CDK15: variants seen among roughly 807,000 people sequenced by gnomAD.
CDK15 encodes cyclin-dependent kinase 15.
In CDK15, 62 loss-of-function variants were observed where a neutral mutation model predicts 60.3. The observed-to-expected ratio is 1.03, with a 90% CI of 0.84 to 1.27. The LOEUF is 1.27. Among genes scored for constraint, CDK15 ranks in the 50% most tolerant of loss-of-function variants. CDK15 has a pLI of 0.00. For synonymous variants in CDK15, 194 were observed against 195.7 expected (o/e 0.99, Z 0.07); for missense variants, 541 against 527.8 (o/e 1.03, Z -0.25).
chr2:201,827,749 G>A (rs1332041210), intron 6 of CDK15, among the ~76,000 whole-genome samples: 1 of 152,162 alleles, frequency 6.6e-6, no homozygotes, highest in Non-Finnish European at 1.5e-5. Flanking sequence ...TGGAATTACA[G>A]GTGTGAGCCA....
At chr2:201,847,072 T>G (rs1388144621) in intron 8 of CDK15, among the ~76,000 whole-genome samples, 1 of 152,150 alleles carries the variant, frequency 6.6e-6, no homozygotes, top group Non-Finnish European at 1.5e-5. Context: ...GGGGATGAAA[T>G]GAAATTTGGG....
intron 9 of CDK15, among the ~76,000 whole-genome samples, chr2:201,854,160 C>A (rs549255817): frequency 2.6e-5 from 4 of 151,542 alleles, no homozygotes; most frequent in Admixed American, 2.0e-4. Context: ...GGCGACAGAG[C>A]GAGACTCCGT....
intron 10 of CDK15, chr2:201,861,412 C>A: frequency 1.0e-6 from 1 of 985,476 alleles, no homozygotes; most frequent in East Asian, 1.1e-4. Flanking sequence ...GTTCTCCTTT[C>A]ATTAATCATG....
chr2:201,886,805 TA>T (rs924613552), intron 12 of CDK15, among the ~76,000 whole-genome samples: 9 of 152,208 alleles, frequency 5.9e-5, no homozygotes, highest in East Asian at 1.9e-4. Context: ...TACTAGGGAT[TA>T]AAAAAATACA....
At chr2:201,862,322 G>C (rs750514420) in intron 10 of CDK15, among the ~76,000 whole-genome samples, 1 of 152,162 alleles carries the variant, frequency 6.6e-6, no homozygotes, top group Admixed American at 6.5e-5. Context: ...TGGTATAGTG[G>C]AAAGAGTGCT....
chr2:201,854,736 T>G, intron 9 of CDK15, 138 bp from the exon 10 acceptor site: 1 of 678,848 alleles, frequency 1.5e-6, no homozygotes. Context: ...CTCGTATACA[T>G]CAGCTGGTGT....
chr2:201,860,888 T>C (rs1192614041), intron 10 of CDK15: 1 of 1,349,990 alleles, frequency 7.4e-7, no homozygotes, highest in African/African-American at 1.5e-5. Context: ...AGACAGAAGA[T>C]GATTAAAATG....
At chr2:201,812,200 CAAA>C in intron 3 of CDK15, among the ~76,000 whole-genome samples, 2 of 135,208 alleles carry the variant, frequency 1.5e-5, no homozygotes, top group Non-Finnish European at 3.2e-5. Context: ...AACAAAAAAA[CAAA>C]AAAACACTAC....
At chr2:201,857,917 G>C (rs1170931646) in intron 10 of CDK15, among the ~76,000 whole-genome samples, 2 of 152,148 alleles carry the variant, frequency 1.3e-5, no homozygotes, top group East Asian at 3.9e-4. Context: ...AAGACAAGCT[G>C]GGAGCCAGGA....
At position 201,882,216 on chromosome 2, in the gene CDK15, T is replaced by TGA. The variant is rs142542246; in HGVS notation, c.1198+2058_1198+2059dup. ...GTGTGCGTATGTGTGTGTGTGTGTG[T>TGA]GAGAGAGAGACAGAGAGAACAATCT... is the stretch of plus-strand genomic sequence containing the variant. On this transcript the variant is annotated intron_variant, in intron 12 of 13. Coordinates refer to ENST00000652192, the MANE Select transcript of CDK15 (RefSeq NM_001366386.2). The surrounding 1 kb of genome is among the most constrained non-coding windows in gnomAD (Gnocchi z 4.0). 5.3e-5 allele frequency among the ~76,000 whole-genome samples: 8 copies of TGA among 151,348 alleles called. No homozygotes were observed. The highest frequency in any genetic ancestry group is 2.1e-4 in the South Asian group (1 of 4,798).
At chr2:201,828,809 G>T (rs1696622447) in intron 6 of CDK15, among the ~76,000 whole-genome samples, 1 of 152,134 alleles carries the variant, frequency 6.6e-6, no homozygotes, top group South Asian at 2.1e-4. Context: ...TCTGGGTTTT[G>T]CATAGGCTTC....
chr2:201,822,675 A>C, intron 4 of CDK15, 134 bp from the exon 5 acceptor site: 1 of 551,984 alleles, frequency 1.8e-6, no homozygotes, highest in Non-Finnish European at 3.2e-6. Context: ...TTTTGCCACA[A>C]GAGATTGTTT....
Position 201,807,605 on chromosome 2 carries a change from TGTTTTCAGGAAGAGGATCTGAGGCAGG to T in CDK15, c.244_270del (p.Glu82_Gln90del). 1 of 1,614,124 alleles carries T rather than the reference TGTTTTCAGGAAGAGGATCTGAGGCAGG, an allele frequency of 6.2e-7. No homozygotes were observed. The highest frequency in any genetic ancestry group is 1.1e-5 in the South Asian group (1 of 91,070). ...TAAAAGGCCACGGAGTAACAGTGATTGTTTTCAGGAAGAGGATCTGAGGCAGGGTTTTCAGTGGGTGAGTGAGCAGCT... is the reference window on the plus strand; with the variant it reads ...TAAAAGGCCACGGAGTAACAGTGATTGTTTTCAGTGGGTGAGTGAGCAGCT... On this transcript the variant is annotated inframe_deletion, in exon 2 of 14. Transcript: ENST00000652192.
Position 201,894,050 on chromosome 2 carries a change from G to A in CDK15, c.*783G>A, listed in dbSNP as rs1362327417. 2 of 144,898 alleles carry A rather than the reference G, an allele frequency of 1.4e-5. No individual in the cohort carries two copies. The highest frequency in any genetic ancestry group is 3.0e-5 in the Non-Finnish European group (2 of 67,630). The allele number at this position is 144,898 out of a possible 1,614,324, so 9.0% of individuals were successfully genotyped here. A position where few individuals can be genotyped will look rare whatever the true frequency, so the allele number is the denominator to read the frequency against. ...TAGTTGGGAGCAGAGTTCCAAAGATGTAATTTAAGCCCTGTTGCACCACCA... is the reference window on the plus strand; with the variant it reads ...TAGTTGGGAGCAGAGTTCCAAAGATATAATTTAAGCCCTGTTGCACCACCA... On this transcript the variant is annotated 3_prime_UTR_variant, in exon 14 of 14. Transcript: ENST00000652192.
rs754599551 is a variant in CDK15, at chr2:201,807,644, G to A, written c.273+1G>A. On this transcript the variant is annotated splice_donor_variant, in intron 2 of 13. Coordinates refer to ENST00000652192, the MANE Select transcript of CDK15 (RefSeq NM_001366386.2). LOFTEE classifies it high-confidence loss of function. ...GGATCTGAGGCAGGGTTTTCAGTGG[G>A]TGAGTGAGCAGCTGATGTTGATCAA... is the stretch of plus-strand genomic sequence containing the variant. The A allele has an allele frequency of 6.8e-6, 11 of 1,613,992 alleles. No individual in the cohort carries two copies. In the Admixed American group the frequency reaches 8.3e-5, roughly 12 times the overall value.
intron 10 of CDK15, chr2:201,861,210 T>A (rs1574914039): frequency 1.6e-5 from 16 of 1,014,624 alleles, no homozygotes; most frequent in Non-Finnish European, 1.7e-5. Context: ...ATGGGAGAAA[T>A]CCTATCATTG....
intron 9 of CDK15, among the ~76,000 whole-genome samples, chr2:201,852,032 C>G (rs1395878257): frequency 6.6e-6 from 1 of 152,188 alleles, no homozygotes; most frequent in African/African-American, 2.4e-5. Flanking sequence ...AACCCCTTAT[C>G]AAATGTATGG....
chr2:201,822,100 A>G (rs1282190600), intron 4 of CDK15, among the ~76,000 whole-genome samples: 1 of 152,154 alleles, frequency 6.6e-6, no homozygotes, highest in Non-Finnish European at 1.5e-5. Context: ...GCCTTTTGTG[A>G]TGACTTCTTT....
chr2:201,892,542 G>A (rs1017356424), intron 13 of CDK15, among the ~76,000 whole-genome samples: 1 of 152,230 alleles, frequency 6.6e-6, no homozygotes, highest in African/African-American at 2.4e-5. Flanking sequence ...TGTCAAGCTT[G>A]TGGCCTGCGC....
Sources: allele counts gnomAD v4.1 joint callset (sites outside exome capture counted in the v4.1 genomes callset), GRCh38; gene constraint gnomAD v4.1.1; non-coding constraint Gnocchi (gnomAD v3.1); transcripts MANE v1.5; gene names NCBI Gene and HGNC (gene_info 2026-07-23, HGNC 2026-07-21).